RAB30: variants seen among roughly 807,000 people sequenced by gnomAD.
RAB30 encodes the protein ras-related protein Rab-30.
In RAB30, 9 loss-of-function variants were observed where a neutral mutation model predicts 25.1. The observed-to-expected ratio is 0.36, with a 90% CI of 0.22 to 0.63. The LOEUF is 0.63. RAB30 is among the 20% of genes least tolerant of loss of function. RAB30 has a pLI of 0.69. For synonymous variants in RAB30, 77 were observed against 86.4 expected, an observed-to-expected ratio of 0.89 and a Z score of 0.60; for missense variants, 140 against 243.5, an observed-to-expected ratio of 0.58 and a Z score of 2.83.
At chr11:83,069,022 A>T (rs1165249709) in intron 1 of RAB30, among the ~76,000 whole-genome samples, 3 of 152,226 alleles carry the variant, frequency 2.0e-5, no homozygotes, top group African/African-American at 7.2e-5. Flanking sequence ...AATCAATATA[A>T]ATTGTCAGAA....
chr11:83,033,951 G>A (rs1280006382), intron 1 of RAB30, among the ~76,000 whole-genome samples: 1 of 152,116 alleles, frequency 6.6e-6, no homozygotes, highest in Non-Finnish European at 1.5e-5. Context: ...AACACTTGGG[G>A]ACCTCGACAG....
intron 1 of RAB30, among the ~76,000 whole-genome samples, chr11:83,058,058 C>T (rs1265270497): frequency 6.6e-6 from 1 of 152,176 alleles, no homozygotes; most frequent in Non-Finnish European, 1.5e-5. Flanking sequence ...ATCTTTACCT[C>T]TTTATTTTTA....
chr11:83,029,612 C>T (rs1857806067), intron 1 of RAB30, among the ~76,000 whole-genome samples: 1 of 152,074 alleles, frequency 6.6e-6, no homozygotes, highest in African/African-American at 2.4e-5. Flanking sequence ...CATTTTATTC[C>T]TATGTACCTC....
At chr11:83,068,427 C>G (rs1202213363) in intron 1 of RAB30, among the ~76,000 whole-genome samples, 1 of 152,058 alleles carries the variant, frequency 6.6e-6, no homozygotes, top group Non-Finnish European at 1.5e-5. Context: ...TCACTCTGAC[C>G]AAGTCTTTCC....
At chr11:83,011,115 T>A (rs1010899831) in intron 1 of RAB30, among the ~76,000 whole-genome samples, 2 of 152,256 alleles carry the variant, frequency 1.3e-5, no homozygotes, top group East Asian at 3.8e-4. Flanking sequence ...TGTTATTTTT[T>A]AAAAAACAAG....
chr11:83,053,107 A>G (rs1239333032), intron 1 of RAB30, among the ~76,000 whole-genome samples: 1 of 152,114 alleles, frequency 6.6e-6, no homozygotes, highest in Non-Finnish European at 1.5e-5. Flanking sequence ...GATGGAAGGG[A>G]GGCGTCTATG....
At chr11:83,060,181 G>A (rs1409270019) in intron 1 of RAB30, 9 of 151,874 alleles carry the variant, frequency 5.9e-5, no homozygotes, top group Non-Finnish European at 1.0e-4. Flanking sequence ...CATCCAACCT[G>A]GGCAACAAAA....
chr11:83,022,489 A>G (rs761576582), intron 1 of RAB30, among the ~76,000 whole-genome samples: 1 of 152,160 alleles, frequency 6.6e-6, no homozygotes, highest in Non-Finnish European at 1.5e-5. Context: ...AAACTGCTAG[A>G]TCCCTTCCCT....
At chr11:83,057,496 C>T (rs1858481388) in intron 1 of RAB30, among the ~76,000 whole-genome samples, 1 of 152,136 alleles carries the variant, frequency 6.6e-6, no homozygotes, top group African/African-American at 2.4e-5. Context: ...TTTCTTTTGT[C>T]TGCCAAAACA....
chr11:83,048,659 C>A (rs910001340), intron 1 of RAB30, among the ~76,000 whole-genome samples: 2 of 152,152 alleles, frequency 1.3e-5, no homozygotes, highest in African/African-American at 2.4e-5. Context: ...AAAAAAATCT[C>A]TTTACTTCCC....
At chr11:83,052,212 C>T (rs1246645662) in intron 1 of RAB30, among the ~76,000 whole-genome samples, 1 of 152,090 alleles carries the variant, frequency 6.6e-6, no homozygotes. Flanking sequence ...GTTATAAAGC[C>T]CATTTATACT....
chr11:82,988,894 C>G, intron 3 of RAB30, among the ~76,000 whole-genome samples: 1 of 134,006 alleles, frequency 7.5e-6, no homozygotes. Context: ...GGTTCCCCAC[C>G]CCCCCACCCC....
chr11:83,007,699 T>G (rs1469992995), intron 1 of RAB30, among the ~76,000 whole-genome samples: 1 of 152,074 alleles, frequency 6.6e-6, no homozygotes, highest in African/African-American at 2.4e-5. Context: ...CTCAGTTAAC[T>G]CCCCAGGCGG....
chr11:83,027,601 A>G (rs570667928), intron 1 of RAB30, among the ~76,000 whole-genome samples: 1 of 152,150 alleles, frequency 6.6e-6, no homozygotes, highest in African/African-American at 2.4e-5. Flanking sequence ...AGTACTTTTT[A>G]AAAAAAGCTT....
chr11:83,018,484 T>C (rs1473867343), intron 1 of RAB30, among the ~76,000 whole-genome samples: 1 of 152,316 alleles, frequency 6.6e-6, no homozygotes, highest in Non-Finnish European at 1.5e-5. Flanking sequence ...CATTTGTATA[T>C]CTTCTTCTGA....
intron 1 of RAB30, among the ~76,000 whole-genome samples, chr11:83,005,441 T>C (rs1404083679): frequency 6.6e-6 from 1 of 152,210 alleles, no homozygotes; most frequent in Non-Finnish European, 1.5e-5. Context: ...ATATTCCCAT[T>C]ATACAGATAA....
At chr11:83,060,104 A>C (rs1858537543) in intron 1 of RAB30, 1 of 152,382 alleles carries the variant, frequency 6.6e-6, no homozygotes, top group African/African-American at 2.4e-5. Flanking sequence ...CCGGAGGCTG[A>C]GGCAGGAGAA....
chr11:82,978,935 C>T lies in RAB30; in HGVS notation c.*3230G>A, dbSNP rs1856593403. The T allele has an allele frequency of 6.6e-6, 1 of 152,052 alleles. No individual in the cohort carries two copies. Among genetic ancestry groups the T allele is most frequent in the Admixed American group, 6.6e-5 (1 of 15,264 alleles). The allele number at this position is 152,052 out of a possible 1,614,324, so 9.4% of individuals were successfully genotyped here. A position where few individuals can be genotyped will look rare whatever the true frequency, so the allele number is the denominator to read the frequency against. ...ACTTTCATTTTTAGTTTTCTTGCCA[C>T]TTTACTCAGGGAGAGATAAAAACGT... is the stretch of plus-strand genomic sequence containing the variant. On this transcript the variant is annotated 3_prime_UTR_variant, in exon 5 of 5. Transcript: ENST00000527633.
chr11:82,983,758 G>T (rs1856686614), intron 4 of RAB30, among the ~76,000 whole-genome samples: 1 of 151,940 alleles, frequency 6.6e-6, no homozygotes, highest in Non-Finnish European at 1.5e-5. Context: ...ATTTCAAGGT[G>T]CTTAAGATAC....
Sources: allele counts gnomAD v4.1 joint callset (sites outside exome capture counted in the v4.1 genomes callset), GRCh38; gene constraint gnomAD v4.1.1; transcripts MANE v1.5; gene names NCBI Gene and HGNC (gene_info 2026-07-23, HGNC 2026-07-21).